The following FHIT variants were observed in gnomAD, a reference collection of about 807,000 sequenced individuals.
FHIT encodes bis(5'-adenosyl)-triphosphatase.
A neutral mutation model predicts 17.9 loss-of-function variants in FHIT; 19 were observed. The observed-to-expected ratio is 1.06, with a 90% CI of 0.74 to 1.56. The LOEUF (loss-of-function observed/expected upper bound fraction) is 1.56, where lower values mean the gene tolerates loss of function less well. Among genes scored for constraint, FHIT ranks in the 40% most tolerant of loss-of-function variants. The pLI is 0.00. For missense variants in FHIT, 248 were observed against 189.2 expected, an observed-to-expected ratio of 1.31 and a Z score of -1.82; for synonymous variants, 81 against 69.7, an observed-to-expected ratio of 1.16 and a Z score of -0.81.
At chr3:59,781,604 A>G (rs1702585853) in intron 8 of FHIT, among the ~76,000 whole-genome samples, 1 of 152,242 alleles carries the variant, frequency 6.6e-6, no homozygotes. Context: ...GAGTTCACAA[A>G]GGAAGGATTC....
intron 3 of FHIT, among the ~76,000 whole-genome samples, chr3:61,026,338 C>T (rs1396392053): frequency 6.6e-6 from 1 of 152,118 alleles, no homozygotes; most frequent in Non-Finnish European, 1.5e-5. Flanking sequence ...GACCAGTGTA[C>T]CTCCAATTCT....
intron 3 of FHIT, among the ~76,000 whole-genome samples, chr3:60,875,260 AC>A (rs1704591224): frequency 6.6e-6 from 1 of 152,152 alleles, no homozygotes; most frequent in African/African-American, 2.4e-5. Flanking sequence ...ATTTTTCTGT[AC>A]CATGTGTGTA....
At chr3:60,058,665 C>G (rs569756920) in intron 5 of FHIT, among the ~76,000 whole-genome samples, 62 of 152,302 alleles carry the variant, frequency 4.1e-4, no homozygotes, top group Middle Eastern at 6.8e-3. Context: ...CTCCCACTAG[C>G]TGTAAAGTGA....
chr3:60,782,063 A>AT (rs1413044229), intron 4 of FHIT, among the ~76,000 whole-genome samples: 1 of 151,990 alleles, frequency 6.6e-6, no homozygotes, highest in African/African-American at 2.4e-5. Flanking sequence ...CTCTGCTTCT[A>AT]TGAGTTTGAT....
At chr3:59,911,463 C>CAGTACTAGGCCCACCAG (rs1392891466) in intron 8 of FHIT, among the ~76,000 whole-genome samples, 2 of 152,064 alleles carry the variant, frequency 1.3e-5, no homozygotes, top group Non-Finnish European at 2.9e-5. Context: ...ACTGGTGGGC[C>CAGTACTAGGCCCACCAG]TTTTAGGGGA....
chr3:59,992,528 A>G (rs185552968), intron 7 of FHIT, among the ~76,000 whole-genome samples: 1 of 152,218 alleles, frequency 6.6e-6, no homozygotes, highest in East Asian at 1.9e-4. Flanking sequence ...ACCTGCTACA[A>G]ATACATTACT....
At chr3:60,821,294 C>T (rs1379297103) in intron 4 of FHIT, among the ~76,000 whole-genome samples, 1 of 152,096 alleles carries the variant, frequency 6.6e-6, no homozygotes, top group Non-Finnish European at 1.5e-5. Flanking sequence ...TTCAACATAT[C>T]CGGTGAAATC....
chr3:59,941,203 T>C (rs1039191568), intron 7 of FHIT, among the ~76,000 whole-genome samples: 6 of 152,230 alleles, frequency 3.9e-5, no homozygotes, highest in Admixed American at 3.3e-4. Flanking sequence ...CATGTTCTTT[T>C]GTGTATGCAA....
At chr3:61,177,751 C>T (rs568749352) in intron 2 of FHIT, among the ~76,000 whole-genome samples, 1 of 152,282 alleles carries the variant, frequency 6.6e-6, no homozygotes, top group African/African-American at 2.4e-5. Flanking sequence ...TTTAACAAAA[C>T]AACCCCGGCC....
chr3:60,878,191 C>G (rs782007840), intron 3 of FHIT, among the ~76,000 whole-genome samples: 2 of 152,060 alleles, frequency 1.3e-5, no homozygotes, highest in Non-Finnish European at 2.9e-5. Context: ...GGCTGCCTAA[C>G]AGTCATAGAT....
intron 3 of FHIT, among the ~76,000 whole-genome samples, chr3:60,875,922 C>CGTGTGTGT (rs1553756368): frequency 1.0e-3 from 64 of 61,224 alleles, no homozygotes; most frequent in East Asian, 3.2e-3. Context: ...AAAACTTATT[C>CGTGTGTGT]ATGTGTGTGT....
chr3:59,867,458 T>C (rs988927015), intron 8 of FHIT, among the ~76,000 whole-genome samples: 5 of 152,154 alleles, frequency 3.3e-5, no homozygotes, highest in African/African-American at 1.2e-4. Flanking sequence ...CTTTTAAGAT[T>C]TCTCATTGTC....
chr3:59,861,814 A>C (rs1394486270), intron 8 of FHIT, among the ~76,000 whole-genome samples: 2 of 152,196 alleles, frequency 1.3e-5, no homozygotes, highest in East Asian at 3.8e-4. Context: ...TAAACAATAC[A>C]GCTGAGGAAG....
At position 59,903,560 on chromosome 3, in the gene FHIT, G is replaced by A. The variant is rs554284958; in HGVS notation, c.348+18786C>T. On this transcript the variant is annotated intron_variant, in intron 8 of 9. Transcript: ENST00000492590. ...TCACCTGCATTTTAAAAATGCAGTC[G>A]GTTTTTCTAGAGACTTTTCACCCCT... Among the ~76,000 whole-genome samples, 281 of 152,230 alleles carry A rather than the reference G, an allele frequency of 1.8e-3. 2 individuals are homozygous for A. The highest frequency in any genetic ancestry group is 3.2e-3 in the Non-Finnish European group (221 of 68,018).
At chr3:60,281,821 A>T (rs1333518291) in intron 5 of FHIT, among the ~76,000 whole-genome samples, 1 of 152,202 alleles carries the variant, frequency 6.6e-6, no homozygotes, top group African/African-American at 2.4e-5. Context: ...AAAAAATTTT[A>T]AATTGAATTG....
chr3:59,957,697 C>A (rs1316551044), intron 7 of FHIT, among the ~76,000 whole-genome samples: 2 of 152,166 alleles, frequency 1.3e-5, no homozygotes, highest in African/African-American at 4.8e-5. Flanking sequence ...TGCTTTTCAC[C>A]TGTAATACTG....
intron 5 of FHIT, among the ~76,000 whole-genome samples, chr3:60,532,931 C>T (rs1008371712): frequency 4.0e-5 from 6 of 151,672 alleles, no homozygotes; most frequent in African/African-American, 1.5e-4. Flanking sequence ...ATGAATGGCA[C>T]ACTCCCCAAA....
intron 7 of FHIT, among the ~76,000 whole-genome samples, chr3:60,003,593 AT>A (rs1458214022): frequency 6.6e-6 from 1 of 152,132 alleles, no homozygotes; most frequent in Non-Finnish European, 1.5e-5. Flanking sequence ...AAAAATACAA[AT>A]AATAGCTAGG....
At chr3:60,298,600 T>C (rs2088311) in intron 5 of FHIT, among the ~76,000 whole-genome samples, 85,132 of 151,994 alleles carry the variant, frequency 0.56, 24,877 homozygotes, top group East Asian at 0.96. Context: ...AGTATGTTAC[T>C]TTTTTGCAGA....
Sources: allele counts gnomAD v4.1 joint callset (sites outside exome capture counted in the v4.1 genomes callset), GRCh38; gene constraint gnomAD v4.1.1; transcripts MANE v1.5; gene names NCBI Gene and HGNC (gene_info 2026-07-23, HGNC 2026-07-21).